DCC: variants seen among roughly 807,000 people sequenced by gnomAD.
The protein encoded by DCC is DCC netrin 1 receptor, also known as netrin receptor DCC.
A neutral mutation model predicts 172.5 loss-of-function variants in DCC; 58 were observed. The ratio of observed to expected loss-of-function variants is 0.34; its 90% CI spans 0.27 to 0.42. The LOEUF is 0.42. Among genes scored for constraint, DCC ranks in the 10% least tolerant of loss-of-function variants. The pLI, the probability that DCC is intolerant of heterozygous loss-of-function variation, is 1.00. For synonymous variants in DCC, 709 were observed against 644.5 expected (o/e 1.10, Z -1.52); for missense variants, 1,740 against 1,791.0 (o/e 0.97, Z 0.51).
intron 1 of DCC, among the ~76,000 whole-genome samples, chr18:52,509,555 C>CCA (rs2144643731): frequency 6.6e-6 from 1 of 152,244 alleles, no homozygotes; most frequent in South Asian, 2.1e-4. Context: ...GAATGTCAGC[C>CCA]CACAGCTCAT....
chr18:53,273,717 T>C (rs2056773818), intron 12 of DCC, among the ~76,000 whole-genome samples: 1 of 150,694 alleles, frequency 6.6e-6, no homozygotes, highest in Non-Finnish European at 1.5e-5. Context: ...CCTTAGGTCC[T>C]ATCTCTTTCT....
chr18:53,502,591 G>T (rs2046116931), intron 27 of DCC, among the ~76,000 whole-genome samples: 1 of 152,118 alleles, frequency 6.6e-6, no homozygotes, highest in South Asian at 2.1e-4. Context: ...ACCGATTGAT[G>T]AAGTAAAGTC....
intron 25 of DCC, among the ~76,000 whole-genome samples, chr18:53,468,637 C>A (rs1047505665): frequency 2.6e-5 from 4 of 152,122 alleles, no homozygotes; most frequent in Admixed American, 6.6e-5. Flanking sequence ...TCTTCTTCAG[C>A]CTCCCAAAGT....
At chr18:53,424,555 T>C (rs1164612985) in intron 21 of DCC, among the ~76,000 whole-genome samples, 2 of 152,176 alleles carry the variant, frequency 1.3e-5, no homozygotes, top group East Asian at 3.9e-4. Flanking sequence ...TAAATCATTG[T>C]GGGCTGGATT....
chr18:52,722,775 C>T (rs2036492804), intron 1 of DCC, among the ~76,000 whole-genome samples: 1 of 152,148 alleles, frequency 6.6e-6, no homozygotes, highest in African/African-American at 2.4e-5. Flanking sequence ...CCTTTCACCA[C>T]CATTTTGAGG....
At chr18:52,840,975 G>T (rs920415471) in intron 2 of DCC, among the ~76,000 whole-genome samples, 4 of 149,552 alleles carry the variant, frequency 2.7e-5, no homozygotes, top group African/African-American at 9.8e-5. Context: ...AAAAAAAAAA[G>T]CAGGAAAATA....
chr18:53,513,218 A>G (rs2046281328), intron 27 of DCC, among the ~76,000 whole-genome samples: 1 of 152,224 alleles, frequency 6.6e-6, no homozygotes, highest in Admixed American at 6.5e-5. Flanking sequence ...ACTAAGTTTC[A>G]TAAGTGAAGG....
chr18:52,565,781 G>A (rs1425313024), intron 1 of DCC, among the ~76,000 whole-genome samples: 1 of 152,136 alleles, frequency 6.6e-6, no homozygotes, highest in Non-Finnish European at 1.5e-5. Context: ...CTCCCGTTCT[G>A]TAGGTTGTCT....
chr18:52,934,555 C>T (rs2040354646), intron 5 of DCC, among the ~76,000 whole-genome samples: 1 of 152,100 alleles, frequency 6.6e-6, no homozygotes, highest in Non-Finnish European at 1.5e-5. Flanking sequence ...TATCTAACTT[C>T]CTATCGAAAT....
At chr18:53,264,706 A>G (rs1306139768) in intron 12 of DCC, among the ~76,000 whole-genome samples, 1 of 152,062 alleles carries the variant, frequency 6.6e-6, no homozygotes, top group African/African-American at 2.4e-5. Context: ...CGTTTAGATC[A>G]TTGAAAAGTA....
intron 1 of DCC, among the ~76,000 whole-genome samples, chr18:52,390,174 C>T (rs1354408923): frequency 6.6e-6 from 1 of 152,114 alleles, no homozygotes; most frequent in Admixed American, 6.5e-5. Flanking sequence ...TGTATCAGAT[C>T]TTCAGGTTGT....
intron 1 of DCC, among the ~76,000 whole-genome samples, chr18:52,687,836 C>A (rs1599019571): frequency 6.6e-6 from 1 of 152,086 alleles, no homozygotes; most frequent in African/African-American, 2.4e-5. Context: ...TCAAGGGAAA[C>A]CTGACAAACC....
At chr18:53,512,132 C>A (rs2046263808) in intron 27 of DCC, among the ~76,000 whole-genome samples, 1 of 152,084 alleles carries the variant, frequency 6.6e-6, no homozygotes, top group South Asian at 2.1e-4. Flanking sequence ...TGCAGACTGC[C>A]TCCTCAAGTG....
chr18:53,270,138 A>G (rs1035417997), intron 12 of DCC, among the ~76,000 whole-genome samples: 8 of 152,098 alleles, frequency 5.3e-5, no homozygotes, highest in African/African-American at 1.9e-4. Flanking sequence ...AAAGCAAGAG[A>G]GGTAGGAACA....
chr18:52,905,085 C>G (rs914389918), intron 2 of DCC, among the ~76,000 whole-genome samples: 12 of 152,000 alleles, frequency 7.9e-5, no homozygotes, highest in African/African-American at 2.9e-4. Context: ...GGCAGAGAAG[C>G]CTTCTCTCTC....
At chr18:52,752,030 T>G in intron 1 of DCC, 24 bp from the exon 2 acceptor site, 1 of 1,598,462 alleles carries the variant, frequency 6.3e-7, no homozygotes, top group Non-Finnish European at 8.6e-7. Flanking sequence ...CATGAACATA[T>G]TTCCCTGTGC....
intron 1 of DCC, among the ~76,000 whole-genome samples, chr18:52,434,246 C>T: frequency 6.6e-6 from 1 of 152,098 alleles, no homozygotes; most frequent in East Asian, 1.9e-4. Context: ...ATTTTGCTTT[C>T]CTGGGTACAT....
intron 1 of DCC, among the ~76,000 whole-genome samples, chr18:52,448,865 A>T (rs1403921813): frequency 6.6e-6 from 1 of 152,230 alleles, no homozygotes; most frequent in Non-Finnish European, 1.5e-5. Flanking sequence ...TTTGGAAAAT[A>T]GTTTCGTGGG....
intron 1 of DCC, among the ~76,000 whole-genome samples, chr18:52,410,318 G>T (rs1442466083): frequency 6.6e-6 from 1 of 152,094 alleles, no homozygotes; most frequent in East Asian, 1.9e-4. Flanking sequence ...TATAGCACCA[G>T]CTACTTTGGA....
Sources: allele counts gnomAD v4.1 joint callset (sites outside exome capture counted in the v4.1 genomes callset), GRCh38; gene constraint gnomAD v4.1.1; transcripts MANE v1.5; gene names NCBI Gene and HGNC (gene_info 2026-07-23, HGNC 2026-07-21).